Variants in CLCN5 observed in about 807,000 individuals in gnomAD.
The protein encoded by CLCN5 is Cl-/H+ antiporter 5.
In CLCN5, 17 loss-of-function variants were observed where a neutral mutation model predicts 54.0. The observed-to-expected ratio is 0.31, with a 90% CI of 0.22 to 0.47. The LOEUF (loss-of-function observed/expected upper bound fraction) is 0.47. Among genes scored for constraint, CLCN5 ranks in the 20% least tolerant of loss-of-function variants. CLCN5 has a pLI of 1.00. For missense variants in CLCN5, 448 were observed against 646.7 expected, an observed-to-expected ratio of 0.69 and a Z score of 3.33; for synonymous variants, 222 against 233.0, an observed-to-expected ratio of 0.95 and a Z score of 0.43.
At chrX:50,030,133 T>C (rs2147451735) in intron 3 of CLCN5, among the ~76,000 whole-genome samples, 1 of 112,199 alleles carries the variant, frequency 8.9e-6, no homozygotes, top group East Asian at 2.8e-4. Flanking sequence ...TCAAGTTATA[T>C]AAAAGATGCC....
intron 3 of CLCN5, among the ~76,000 whole-genome samples, chrX:49,931,408 T>C (rs1036241608): frequency 8.9e-6 from 1 of 112,221 alleles, no homozygotes; most frequent in Non-Finnish European, 1.9e-5. Context: ...CATGTATCTT[T>C]CCACTTTTCT....
intron 3 of CLCN5, among the ~76,000 whole-genome samples, chrX:49,971,289 TTA>T (rs1321013201): frequency 2.9e-5 from 3 of 103,210 alleles, no homozygotes; most frequent in African/African-American, 7.0e-5. Flanking sequence ...TTATATATAT[TTA>T]TATATATATA....
chrX:50,012,720 G>A lies in CLCN5; in HGVS notation c.17-29596G>A, dbSNP rs1930575809. On this transcript the variant is annotated intron_variant, in intron 3 of 14. Transcript: ENST00000376091. ...TCTCAGTGTGGTCCCTGGGCCAGCA[G>A]CATCTGTATCACCTAGGAGCTTGTT... 2.7e-5 allele frequency among the ~76,000 whole-genome samples: 3 copies of A among 111,833 alleles called. No homozygotes were observed. The South Asian group carries it at 1.1e-3, about 43-fold the overall frequency.
chrX:50,002,101 C>CTT (rs75937512), intron 3 of CLCN5, among the ~76,000 whole-genome samples: 6 of 101,599 alleles, frequency 5.9e-5, no homozygotes, highest in African/African-American at 2.1e-4. Context: ...CTTCAGACTT[C>CTT]TTTTTTTTTT....
intron 3 of CLCN5, among the ~76,000 whole-genome samples, chrX:49,950,116 C>T (rs983819867): frequency 4.5e-5 from 5 of 111,610 alleles, no homozygotes; most frequent in Non-Finnish European, 9.4e-5. Context: ...GTGAAAGGAC[C>T]GTTAGTATAA....
At chrX:49,948,168 TTTTTTTGG>T (rs1348310004) in intron 3 of CLCN5, among the ~76,000 whole-genome samples, 22 of 110,670 alleles carry the variant, frequency 2.0e-4, no homozygotes, top group African/African-American at 6.3e-4. Flanking sequence ...ACCTTTTTTT[TTTTTTTGG>T]TTTTTAATTA....
At chrX:49,934,418 T>C (rs1332400311) in intron 3 of CLCN5, among the ~76,000 whole-genome samples, 1 of 111,521 alleles carries the variant, frequency 9.0e-6, no homozygotes, top group Non-Finnish European at 1.9e-5. Context: ...TATTGGTGGC[T>C]ACGAATGCCA....
chrX:50,057,362 A>G (rs1158051529), intron 4 of CLCN5, among the ~76,000 whole-genome samples: 5 of 99,976 alleles, frequency 5.0e-5, no homozygotes, highest in Non-Finnish European at 1.0e-4. Flanking sequence ...AGAGTACACT[A>G]AAGCATAATG....
chrX:50,066,808 T>G (rs1200598528), intron 4 of CLCN5, among the ~76,000 whole-genome samples: 6 of 112,503 alleles, frequency 5.3e-5, no homozygotes, highest in Non-Finnish European at 1.9e-5. Context: ...ACTCATTTTC[T>G]TGACTATACT....
At chrX:50,032,895 G>A (rs1323503645) in intron 3 of CLCN5, among the ~76,000 whole-genome samples, 4 of 111,015 alleles carry the variant, frequency 3.6e-5, no homozygotes, top group African/African-American at 1.3e-4. Flanking sequence ...ATTAATTTTT[G>A]TATAAGGTGT....
intron 3 of CLCN5, among the ~76,000 whole-genome samples, chrX:49,936,705 T>A (rs1926007383): frequency 8.9e-6 from 1 of 112,398 alleles, no homozygotes; most frequent in Non-Finnish European, 1.9e-5. Context: ...GTTGGTAGAA[T>A]CCATTAGAGC....
At chrX:49,967,215 T>TGGCAAACCGAATCCAGCAGCAC (rs2060334791) in intron 3 of CLCN5, among the ~76,000 whole-genome samples, 1 of 24,260 alleles carries the variant, frequency 4.1e-5, no homozygotes, top group Admixed American at 4.9e-4. Context: ...ATGGTTGAAC[T>TGGCAAACCGAATCCAGCAGCAC]AGTTTACAGT....
intron 4 of CLCN5, among the ~76,000 whole-genome samples, chrX:50,047,247 C>A (rs1309743485): frequency 3.6e-5 from 4 of 111,770 alleles, no homozygotes; most frequent in African/African-American, 1.3e-4. Flanking sequence ...AGCTATCTGA[C>A]TAGAGCAACT....
intron 3 of CLCN5, among the ~76,000 whole-genome samples, chrX:49,969,837 A>G (rs1400171441): frequency 8.9e-6 from 1 of 111,897 alleles, no homozygotes; most frequent in Non-Finnish European, 1.9e-5. Context: ...TCTATCAATT[A>G]TTGAGAGAGT....
At chrX:50,063,335 T>C (rs12010420) in intron 4 of CLCN5, among the ~76,000 whole-genome samples, 4,852 of 96,262 alleles carry the variant, frequency 0.05, 634 homozygotes, top group African/African-American at 0.22. Context: ...ATATCACCAC[T>C]GATCCCACAG....
intron 3 of CLCN5, among the ~76,000 whole-genome samples, chrX:49,953,755 C>T (rs1557173538): frequency 1.8e-5 from 2 of 111,986 alleles, no homozygotes; most frequent in Admixed American, 9.5e-5. Flanking sequence ...TCTGTATATA[C>T]TTAATGTTTG....
chrX:50,032,970 A>G (rs1931790834), intron 3 of CLCN5, among the ~76,000 whole-genome samples: 1 of 111,506 alleles, frequency 9.0e-6, no homozygotes, highest in Admixed American at 9.6e-5. Context: ...CCATTTATTA[A>G]CTAGGGAATC....
At chrX:50,036,018 T>C (rs1449805080) in intron 3 of CLCN5, among the ~76,000 whole-genome samples, 1 of 111,964 alleles carries the variant, frequency 8.9e-6, no homozygotes, top group Admixed American at 9.5e-5. Flanking sequence ...CTCAGGCTTG[T>C]GGCCATCTAG....
intron 4 of CLCN5, chrX:50,067,683 C>T: frequency 2.7e-6 from 2 of 753,890 alleles, no homozygotes; most frequent in East Asian, 1.5e-4. Flanking sequence ...GTAAAAGCTC[C>T]CCAACCTGAA....
Sources: allele counts gnomAD v4.1 joint callset (sites outside exome capture counted in the v4.1 genomes callset), GRCh38; gene constraint gnomAD v4.1.1; transcripts MANE v1.5; gene names NCBI Gene and HGNC (gene_info 2026-07-23, HGNC 2026-07-21).